The following DRC11 variants were observed in gnomAD, a reference collection of about 807,000 sequenced individuals.
DRC11 encodes the protein dynein regulatory complex subunit 11.
the DRC11 span, among the ~76,000 whole-genome samples, chr2:236,489,153 G>A: frequency 2.0e-5 from 3 of 148,346 alleles, no homozygotes; most frequent in African/African-American, 5.0e-5. Flanking sequence ...ATGGGCTCCG[G>A]GTGCATGCTG....
chr2:236,384,556 A>G, the DRC11 span, among the ~76,000 whole-genome samples: 2 of 152,122 alleles, frequency 1.3e-5, no homozygotes, highest in Non-Finnish European at 2.9e-5. Flanking sequence ...GATTCTGGAT[A>G]TTAGCCCTTT....
chr2:236,344,063 G>A, the DRC11 span, among the ~76,000 whole-genome samples: 1 of 151,794 alleles, frequency 6.6e-6, no homozygotes, highest in Non-Finnish European at 1.5e-5. Flanking sequence ...GATTTGTGGG[G>A]GGAAGTGGTG....
chr2:236,475,447 C>T, the DRC11 span, among the ~76,000 whole-genome samples: 1 of 152,140 alleles, frequency 6.6e-6, no homozygotes, highest in East Asian at 1.9e-4. The surrounding 1 kb of genome is among the most constrained non-coding windows in gnomAD (Gnocchi z 4.8). Flanking sequence ...CATGCAAGTG[C>T]AGATATCTCT....
the DRC11 span, among the ~76,000 whole-genome samples, chr2:236,476,978 T>A: frequency 3.9e-5 from 6 of 152,202 alleles, no homozygotes; most frequent in Non-Finnish European, 8.8e-5. This position sits in a 1 kb window ranked among gnomAD's most constrained non-coding sequence, Gnocchi z 4.7. Context: ...TTGTGAATGA[T>A]CTTTTTAAAG....
chr2:236,469,469 G>A, the DRC11 span, among the ~76,000 whole-genome samples: 1 of 152,218 alleles, frequency 6.6e-6, no homozygotes, highest in African/African-American at 2.4e-5. The surrounding 1 kb of genome is among the most constrained non-coding windows in gnomAD (Gnocchi z 5.8). Context: ...CTTAACAGAT[G>A]AGGAAACAGA....
chr2:236,419,388 T>C, the DRC11 span: 2 of 1,414,104 alleles, frequency 1.4e-6, no homozygotes, highest in Non-Finnish European at 1.8e-6. The surrounding 1 kb of genome is among the most constrained non-coding windows in gnomAD (Gnocchi z 4.8). Context: ...TGCCTGGCCC[T>C]GGACCCTGCA....
At chr2:236,475,619 A>G in the DRC11 span, among the ~76,000 whole-genome samples, 1 of 152,130 alleles carries the variant, frequency 6.6e-6, no homozygotes, top group Non-Finnish European at 1.5e-5. This position sits in a 1 kb window ranked among gnomAD's most constrained non-coding sequence, Gnocchi z 4.8. Flanking sequence ...GAACTTCCAT[A>G]CTGTTTTCCA....
the DRC11 span, among the ~76,000 whole-genome samples, chr2:236,376,548 C>T: frequency 6.5e-3 from 982 of 152,230 alleles, 8 homozygotes; most frequent in African/African-American, 0.023. This position sits in a 1 kb window ranked among gnomAD's most constrained non-coding sequence, Gnocchi z 5.7. Context: ...AACTGCATTA[C>T]GGTAGTACAG....
the DRC11 span, chr2:236,399,633 A>G: frequency 1.5e-6 from 1 of 681,988 alleles, no homozygotes; most frequent in Non-Finnish European, 2.6e-6. The surrounding 1 kb of genome is among the most constrained non-coding windows in gnomAD (Gnocchi z 7.0). Context: ...CCGTCTAAGT[A>G]TGGAGTGCTG....
At chr2:236,485,471 C>T in the DRC11 span, among the ~76,000 whole-genome samples, 1 of 152,112 alleles carries the variant, frequency 6.6e-6, no homozygotes, top group Non-Finnish European at 1.5e-5. Flanking sequence ...AAGTAGCTCA[C>T]CAGAATACAC....
chr2:236,416,888 G>A, the DRC11 span, among the ~76,000 whole-genome samples: 1 of 150,958 alleles, frequency 6.6e-6, no homozygotes, highest in South Asian at 2.1e-4. Flanking sequence ...AGCCTCCTGA[G>A]TTGCTGGGAT....
At chr2:236,405,745 C>T in the DRC11 span, among the ~76,000 whole-genome samples, 8 of 152,188 alleles carry the variant, frequency 5.3e-5, no homozygotes, top group East Asian at 3.9e-4. This position sits in a 1 kb window ranked among gnomAD's most constrained non-coding sequence, Gnocchi z 4.6. Flanking sequence ...CCTGAAGCCT[C>T]GGATCGTACC....
the DRC11 span, chr2:236,503,598 G>T: frequency 1.1e-4 from 177 of 1,539,288 alleles, no homozygotes; most frequent in Non-Finnish European, 1.5e-4. This position sits in a 1 kb window ranked among gnomAD's most constrained non-coding sequence, Gnocchi z 4.9. Context: ...AAAATGAGCA[G>T]CTTTGAAAGC....
At chr2:236,396,876 C>T in the DRC11 span, among the ~76,000 whole-genome samples, 1 of 152,226 alleles carries the variant, frequency 6.6e-6, no homozygotes, top group Admixed American at 6.5e-5. Context: ...GCCCTGCCCT[C>T]AAGGACTTGG....
At chr2:236,370,171 C>T in the DRC11 span, among the ~76,000 whole-genome samples, 14 of 152,226 alleles carry the variant, frequency 9.2e-5, no homozygotes, top group Admixed American at 3.9e-4. The surrounding 1 kb of genome is among the most constrained non-coding windows in gnomAD (Gnocchi z 5.5). Flanking sequence ...CAGAACACCA[C>T]GTGAAGATAA....
the DRC11 span, among the ~76,000 whole-genome samples, chr2:236,458,166 C>A: frequency 4.6e-5 from 7 of 152,202 alleles, no homozygotes; most frequent in African/African-American, 1.7e-4. Context: ...GGAGGTAGGG[C>A]CGAAGGTTTA....
chr2:236,354,219 T>C, the DRC11 span, among the ~76,000 whole-genome samples: 1 of 151,036 alleles, frequency 6.6e-6, no homozygotes, highest in African/African-American at 2.4e-5. Flanking sequence ...TGTATGTGTG[T>C]GCATGTGCGT....
the DRC11 span, chr2:236,507,281 CCCTCTTTT>C: frequency 6.2e-7 from 1 of 1,613,892 alleles, no homozygotes; most frequent in African/African-American, 1.3e-5. Context: ...TGGCTACTTT[CCCTCTTTT>C]CCTCGCCCTC....
the DRC11 span, chr2:236,441,019 A>G: frequency 1.4e-5 from 19 of 1,384,128 alleles, no homozygotes. Flanking sequence ...TTTACATTTT[A>G]TTTCTCAAGC....
Sources: gnomAD v4.1 joint callset for allele counts (sites outside exome capture counted in the v4.1 genomes callset) on GRCh38, gnomAD v4.1.1 for gene constraint, Gnocchi (gnomAD v3.1) non-coding constraint, MANE v1.5 for transcripts, NCBI Gene and HGNC (gene_info 2026-07-23, HGNC 2026-07-21) for gene names.